Variants in MCPH1 observed in about 807,000 individuals in gnomAD.
MCPH1 encodes the protein microcephalin.
In MCPH1, 104 loss-of-function variants were observed where a neutral mutation model predicts 84.5. That is an observed-to-expected ratio of 1.23 (90% CI 1.05 to 1.45). The LOEUF is 1.45. MCPH1 is among the 40% of genes most tolerant of loss of function. The pLI is 0.00. For missense variants in MCPH1, 1,498 were observed against 1,005.7 expected (o/e 1.49, Z -6.62); for synonymous variants, 514 against 366.8 (o/e 1.40, Z -4.58).
rs529205866 is a variant in MCPH1 at position 6,628,182 on chromosome 8, G to A, written c.2452+6491G>A. Among the ~76,000 whole-genome samples the A allele has an allele frequency of 1.3e-4, 20 of 152,058 alleles. No homozygotes were observed. In the South Asian group the frequency reaches 1.9e-3, roughly 14 times the overall value. ...ATCAGAGATGTAAACATTTAAAAGC[G>A]TATTAAGGCTGGGCGCAGTGGCTCA... is the stretch of plus-strand genomic sequence containing the variant. On this transcript the variant is annotated intron_variant, in intron 13 of 13. Coordinates refer to ENST00000344683, the MANE Select transcript of MCPH1 (RefSeq NM_024596.5).
chr8:6,557,580 G>A (rs1031984555), intron 12 of MCPH1, among the ~76,000 whole-genome samples: 5 of 152,228 alleles, frequency 3.3e-5, no homozygotes, highest in Admixed American at 2.6e-4. Flanking sequence ...GATGGGCCCT[G>A]TTTAATTAGA....
intron 9 of MCPH1, among the ~76,000 whole-genome samples, chr8:6,456,358 G>A (rs1338117025): frequency 3.3e-5 from 5 of 152,148 alleles, no homozygotes; most frequent in Admixed American, 2.6e-4. Context: ...CCAGGGGTGG[G>A]GCCCTTCCTA....
intron 12 of MCPH1, among the ~76,000 whole-genome samples, chr8:6,538,412 G>T (rs1391575736): frequency 6.6e-6 from 1 of 152,168 alleles, no homozygotes; most frequent in Non-Finnish European, 1.5e-5. Flanking sequence ...GAATCCACAT[G>T]CAAAGCTGGT....
intron 12 of MCPH1, among the ~76,000 whole-genome samples, chr8:6,524,721 G>A (rs934445605): frequency 3.9e-5 from 6 of 152,298 alleles, no homozygotes; most frequent in African/African-American, 7.2e-5. Flanking sequence ...AAGCTAAAAA[G>A]ACAAGGCTAT....
At chr8:6,593,699 C>T (rs368209974) in intron 12 of MCPH1, among the ~76,000 whole-genome samples, 6 of 152,114 alleles carry the variant, frequency 3.9e-5, no homozygotes, top group Non-Finnish European at 7.4e-5. Flanking sequence ...GCTCTGGTTG[C>T]GGTCTTAGGC....
Position 6,488,472 on chromosome 8 carries a change from C to T in MCPH1, c.2136+7596C>T, listed in dbSNP as rs183419171. 2.2e-4 allele frequency among the ~76,000 whole-genome samples: 34 copies of T among 152,290 alleles called. No homozygotes were observed. In the East Asian group the frequency reaches 5.6e-3, roughly 25 times the overall value. ...TTTTAGTGGGAGAAGACTGTGGAGTCACCCTGAGATGCAACCACAGGCTTG... is the reference window on the plus strand; with the variant it reads ...TTTTAGTGGGAGAAGACTGTGGAGTTACCCTGAGATGCAACCACAGGCTTG... On this transcript the variant is annotated intron_variant, in intron 11 of 13. Transcript: ENST00000344683.
intron 3 of MCPH1, among the ~76,000 whole-genome samples, chr8:6,428,747 A>G (rs759384451): frequency 5.9e-5 from 6 of 102,118 alleles, no homozygotes; most frequent in African/African-American, 1.3e-4. Flanking sequence ...GTGCGCACGC[A>G]CACACACACA....
intron 9 of MCPH1, among the ~76,000 whole-genome samples, chr8:6,467,580 G>T (rs1807139751): frequency 6.6e-6 from 1 of 152,122 alleles, no homozygotes; most frequent in Non-Finnish European, 1.5e-5. Context: ...CAGGGTTGAA[G>T]TTGTGGTATA....
At chr8:6,435,259 G>A (rs538829867) in intron 4 of MCPH1, among the ~76,000 whole-genome samples, 2 of 152,272 alleles carry the variant, frequency 1.3e-5, no homozygotes, top group South Asian at 2.1e-4. Context: ...GATGACGTGA[G>A]AATAGTGCTA....
In MCPH1 at chr8:6,505,452, T is replaced by TAA. The variant is rs1563307226; in HGVS notation, c.2214+5524_2214+5525insAA. Among the ~76,000 whole-genome samples the TAA allele has an allele frequency of 1.6e-4, 12 of 74,340 alleles. 1 individual carries two copies. Among genetic ancestry groups the TAA allele is most frequent in the African/African-American group, 5.8e-4 (12 of 20,540 alleles). 48.8% of individuals were successfully genotyped at this position (74,340 alleles called of 152,430 possible). ...AATATATATATTCTTTATATACATA[T>TAA]AGAATATATATATTCTTTACATATA... On this transcript the variant is annotated intron_variant, in intron 12 of 13. Transcript: ENST00000344683.
At chr8:6,588,648 G>T (rs1015048207) in intron 12 of MCPH1, among the ~76,000 whole-genome samples, 4 of 152,246 alleles carry the variant, frequency 2.6e-5, no homozygotes, top group African/African-American at 9.6e-5. Context: ...CACATCTCCG[G>T]GCTTCACCCG....
intron 3 of MCPH1, among the ~76,000 whole-genome samples, chr8:6,418,493 A>G (rs1457088724): frequency 6.6e-6 from 1 of 152,146 alleles, no homozygotes; most frequent in Non-Finnish European, 1.5e-5. Context: ...GGAACTTAGT[A>G]TGTTATTTTT....
intron 11 of MCPH1, among the ~76,000 whole-genome samples, chr8:6,486,262 ATCTCTCTCTC>A (rs56247663): frequency 0.14 from 21,001 of 147,136 alleles, 1,566 homozygotes; most frequent in Middle Eastern, 0.27. Context: ...TGTACAAGGA[ATCTCTCTCTC>A]TCTCTCTCTC....
chr8:6,453,694 T>A (rs187693975), intron 8 of MCPH1, among the ~76,000 whole-genome samples: 1 of 152,214 alleles, frequency 6.6e-6, no homozygotes, highest in African/African-American at 2.4e-5. Context: ...GTAGTAGATA[T>A]AATTAATAAT....
chr8:6,477,681 C>G (rs368497622), intron 10 of MCPH1, 50 bp downstream of exon 10: 9 of 1,500,782 alleles, frequency 6.0e-6, no homozygotes, highest in Admixed American at 3.3e-5. Context: ...AACCTTTTCT[C>G]TCTTATACTC....
intron 13 of MCPH1, among the ~76,000 whole-genome samples, chr8:6,641,259 G>A (rs1029255568): frequency 2.6e-5 from 4 of 151,832 alleles, no homozygotes; most frequent in African/African-American, 9.7e-5. Context: ...AAAACTAAGT[G>A]TAAAAATTGA....
At chr8:6,545,530 A>G (rs764291876) in intron 12 of MCPH1, among the ~76,000 whole-genome samples, 6 of 152,222 alleles carry the variant, frequency 3.9e-5, no homozygotes, top group Non-Finnish European at 7.3e-5. Context: ...TAAAGTAACT[A>G]TCTTAGAGAA....
intron 12 of MCPH1, among the ~76,000 whole-genome samples, chr8:6,527,222 C>A (rs1387265916): frequency 1.3e-5 from 2 of 150,472 alleles, no homozygotes; most frequent in African/African-American, 4.9e-5. Flanking sequence ...CTAAGAGGAT[C>A]TTTTGGGCCA....
At chr8:6,550,192 T>C (rs1823379963) in intron 12 of MCPH1, among the ~76,000 whole-genome samples, 1 of 152,210 alleles carries the variant, frequency 6.6e-6, no homozygotes, top group South Asian at 2.1e-4. Context: ...GTCGGCTCCA[T>C]CTCCAGATGT....
Sources: gnomAD v4.1 joint callset for allele counts (sites outside exome capture counted in the v4.1 genomes callset) on GRCh38, gnomAD v4.1.1 for gene constraint, MANE v1.5 for transcripts, NCBI Gene and HGNC (gene_info 2026-07-23, HGNC 2026-07-21) for gene names.